The following GALNT15 variants were observed in gnomAD, a reference collection of about 807,000 sequenced individuals.
GALNT15 encodes the protein UDP-GalNAc transferase T15.
A neutral mutation model predicts 66.8 loss-of-function variants in GALNT15; 67 were observed. The ratio of observed to expected loss-of-function variants is 1.00; its 90% CI spans 0.82 to 1.23. The LOEUF (loss-of-function observed/expected upper bound fraction) is 1.23. Among genes scored for constraint, GALNT15 ranks in the 50% most tolerant of loss-of-function variants. The pLI, the probability that GALNT15 is intolerant of heterozygous loss-of-function variation, is 0.00. For missense variants in GALNT15, 827 were observed against 804.3 expected (o/e 1.03, Z -0.34); for synonymous variants, 313 against 311.5 (o/e 1.00, Z -0.05).
At position 16,209,553 on chromosome 3, in the gene GALNT15, C is replaced by T. The variant is rs7428257; in HGVS notation, c.1079+883C>T. On this transcript the variant is annotated intron_variant, in intron 4 of 9. Transcript: ENST00000339732. The surrounding 1 kb of genome is among the most constrained non-coding windows in gnomAD (Gnocchi z 4.1). ...AGGCAGCAGGCCAGATGCAGTGACTCATGCCTGTAATCCTAGCACTTTGGG... is the reference window on the plus strand; with the variant it reads ...AGGCAGCAGGCCAGATGCAGTGACTTATGCCTGTAATCCTAGCACTTTGGG... Among the ~76,000 whole-genome samples the T allele has an allele frequency of 6.6e-6, 1 of 152,222 alleles. No homozygotes were observed.
the GALNT15 span, among the ~76,000 whole-genome samples, chr3:16,247,127 TG>T: frequency 6.6e-6 from 1 of 152,016 alleles, no homozygotes; most frequent in Non-Finnish European, 1.5e-5. Context: ...TGTGTGTGTG[TG>T]TGTGTGTCTG....
chr3:16,236,793 C>A (rs1164991981), downstream of GALNT15, among the ~76,000 whole-genome samples: 1 of 152,218 alleles, frequency 6.6e-6, no homozygotes, highest in Non-Finnish European at 1.5e-5. Flanking sequence ...AGTCCACAGT[C>A]TTCTTTCTTT....
rs957106525 is a variant in GALNT15 at position 16,225,780 on chromosome 3, G to A, written c.1774-1574G>A. Among the ~76,000 whole-genome samples the A allele has an allele frequency of 4.6e-5, 7 of 150,778 alleles. No individual in the cohort carries two copies. The highest frequency in any genetic ancestry group is 7.4e-5 in the Non-Finnish European group (5 of 67,780). ...GATGTACCTTAAAAATATTACACACGGTGCCCAACACTTTGAGAGGCAGAG... is the reference window on the plus strand; with the variant it reads ...GATGTACCTTAAAAATATTACACACAGTGCCCAACACTTTGAGAGGCAGAG... On this transcript the variant is annotated intron_variant, in intron 9 of 9. Transcript: ENST00000339732. This position sits in a 1 kb window ranked among gnomAD's most constrained non-coding sequence, Gnocchi z 4.4.
chr3:16,227,458 G>A lies in GALNT15; in HGVS notation c.1878G>A (p.Gln626=). The change falls in exon 10 of 10, where the codon CAG becomes CAA. Residue 626 remains glutamine, a synonymous_variant. Coordinates refer to ENST00000339732, the MANE Select transcript of GALNT15 (RefSeq NM_054110.5). The surrounding 1 kb of genome is among the most constrained non-coding windows in gnomAD (Gnocchi z 4.5). ...GTCCGTGTGATGGAAAAGCCCGCCA[G>A]CAGTGGCGTTTTGACCAGATCAATG... ...YLRPCDGKAR[Q]QWRFDQINAV... 1 of 1,614,170 alleles carries A rather than the reference G, an allele frequency of 6.2e-7. No homozygotes were observed. The highest frequency in any genetic ancestry group is 1.1e-5 in the South Asian group (1 of 91,078).
At chr3:16,221,256 CTT>C (rs60472018) in intron 8 of GALNT15, among the ~76,000 whole-genome samples, 2 of 140,248 alleles carry the variant, frequency 1.4e-5, no homozygotes, top group Admixed American at 7.1e-5. Flanking sequence ...CTTTCTTGTT[CTT>C]TTTTTTTTTT....
In GALNT15 at chr3:16,211,850, T is replaced by C. The variant is rs1447346296; in HGVS notation, c.1197+609T>C. ...AATTACCTGACGCTTGTATTCTGCA[T>C]GAAGTCCAACAGATGTCACCGTGTT... On this transcript the variant is annotated intron_variant, in intron 5 of 9. Coordinates refer to ENST00000339732, the MANE Select transcript of GALNT15 (RefSeq NM_054110.5). This position sits in a 1 kb window ranked among gnomAD's most constrained non-coding sequence, Gnocchi z 4.3. Among the ~76,000 whole-genome samples the C allele has an allele frequency of 2.0e-5, 3 of 152,234 alleles. No homozygotes were observed. The highest frequency in any genetic ancestry group is 4.8e-5 in the African/African-American group (2 of 41,462).
Position 16,228,338 on chromosome 3 carries a change from T to C in GALNT15, c.*838T>C, listed in dbSNP as rs2064044842. On this transcript the variant is annotated 3_prime_UTR_variant, in exon 10 of 10. Coordinates refer to ENST00000339732, the MANE Select transcript of GALNT15 (RefSeq NM_054110.5). ...TTGAGCATTCCCATTAACAAAGGTG[T>C]TCACAGTTGAGAAACTCTCCTGCCG... The C allele has an allele frequency of 2.0e-6, 2 of 985,726 alleles. No individual in the cohort carries two copies. The highest frequency in any genetic ancestry group is 6.2e-5 in the Admixed American group (1 of 16,248). The allele number at this position is 985,726 out of a possible 1,614,324, so 61.1% of individuals were successfully genotyped here. A position where few individuals can be genotyped will look rare whatever the true frequency, so the allele number is the denominator to read the frequency against.
Position 16,225,884 on chromosome 3 carries a change from CT to C in GALNT15, c.1774-1469del, listed in dbSNP as rs1315592663. Reference sequence around the variant, plus strand: ...TTTTAGTAGAGAAAACCCATCTCTACTAAAAATACAAAAAATTAGCTGGGCA... The same window carrying C: ...TTTTAGTAGAGAAAACCCATCTCTACAAAAATACAAAAAATTAGCTGGGCA... On this transcript the variant is annotated intron_variant, in intron 9 of 9. Coordinates refer to ENST00000339732, the MANE Select transcript of GALNT15 (RefSeq NM_054110.5). This position sits in a 1 kb window ranked among gnomAD's most constrained non-coding sequence, Gnocchi z 4.4. 2.0e-5 allele frequency among the ~76,000 whole-genome samples: 3 copies of C among 151,558 alleles called. No individual in the cohort carries two copies. The East Asian group carries it at 5.8e-4, about 29-fold the overall frequency.
intron 1 of GALNT15, among the ~76,000 whole-genome samples, chr3:16,192,562 A>T (rs1358178956): frequency 1.3e-5 from 2 of 152,172 alleles, no homozygotes; most frequent in Admixed American, 1.3e-4. Context: ...ACCCAAATGC[A>T]TGGCCACAAA....
chr3:16,185,472 G>T (rs1430143392), intron 1 of GALNT15, among the ~76,000 whole-genome samples: 3 of 152,144 alleles, frequency 2.0e-5, no homozygotes, highest in African/African-American at 4.8e-5. Flanking sequence ...ATGGAGAGCA[G>T]GTTTCCTAAA....
At position 16,189,131 on chromosome 3, in the gene GALNT15, A is replaced by G. The variant is rs764801762; in HGVS notation, c.540-6629A>G. Among the ~76,000 whole-genome samples, 2 of 152,234 alleles carry G rather than the reference A, an allele frequency of 1.3e-5. No individual in the cohort carries two copies. Among genetic ancestry groups the G allele is most frequent in the Non-Finnish European group, 2.9e-5 (2 of 68,034 alleles). On this transcript the variant is annotated intron_variant, in intron 1 of 9. Coordinates refer to ENST00000339732, the MANE Select transcript of GALNT15 (RefSeq NM_054110.5). The surrounding 1 kb of genome is among the most constrained non-coding windows in gnomAD (Gnocchi z 5.1). ...CCAAAGCCACTGGATGAGCAAGAAG[A>G]TTGGAGAGCTTTGCTCCCGGTGGCA...
At chr3:16,215,916 A>AAACAAAAAAAAAAAAAAAAATAC (rs1019009823) in intron 6 of GALNT15, among the ~76,000 whole-genome samples, 1 of 143,454 alleles carries the variant, frequency 7.0e-6, no homozygotes, top group Admixed American at 7.2e-5. Flanking sequence ...CAAAAAAAAA[A>AAACAAAAAAAAAAAAAAAAATAC]AAAAAAAAAG....
rs2063398885 is a variant in GALNT15 at position 16,175,589 on chromosome 3, AGAG to A, written c.442_444del (p.Glu148del). On this transcript the variant is annotated inframe_deletion, in exon 1 of 10. Coordinates refer to ENST00000339732, the MANE Select transcript of GALNT15 (RefSeq NM_054110.5). This position sits in a 1 kb window ranked among gnomAD's most constrained non-coding sequence, Gnocchi z 5.6. ...ATGAGGACGGGGAGGTGTCTGAAGA[AGAG>A]GAGTTGACCCCGTTCAGCCTGGACC... The A allele has an allele frequency of 6.2e-7, 1 of 1,613,588 alleles. No individual in the cohort carries two copies. The highest frequency in any genetic ancestry group is 1.3e-5 in the African/African-American group (1 of 74,912).
At chr3:16,235,368 G>A (rs374372510), downstream of GALNT15, among the ~76,000 whole-genome samples, 22 of 152,028 alleles carry the variant, frequency 1.4e-4, no homozygotes, top group African/African-American at 4.4e-4. Context: ...AGGTTCCTCC[G>A]GCCTCACAAA....
At chr3:16,244,131 T>G in the GALNT15 span, 2 of 460,520 alleles carry the variant, frequency 4.3e-6, no homozygotes, top group Non-Finnish European at 5.7e-6. Context: ...TTCTATCTCC[T>G]AAAGCTCTTT....
At chr3:16,244,054 G>T in the GALNT15 span, 4 of 973,534 alleles carry the variant, frequency 4.1e-6, no homozygotes, top group African/African-American at 3.5e-5. Flanking sequence ...AGGCACCCAT[G>T]GTAACACAGC....
At chr3:16,240,074 G>A in the GALNT15 span, among the ~76,000 whole-genome samples, 1 of 152,186 alleles carries the variant, frequency 6.6e-6, no homozygotes, top group East Asian at 1.9e-4. Context: ...AGAAGGTAAT[G>A]GCATCTGGCC....
At chr3:16,232,356 A>G (rs2064089482), downstream of GALNT15, among the ~76,000 whole-genome samples, 1 of 151,200 alleles carries the variant, frequency 6.6e-6, no homozygotes, top group East Asian at 1.9e-4. Flanking sequence ...GCTTGAGCCC[A>G]GGAGTTTGAG....
chr3:16,245,634 GGA>G, the GALNT15 span, among the ~76,000 whole-genome samples: 1 of 152,208 alleles, frequency 6.6e-6, no homozygotes, highest in Non-Finnish European at 1.5e-5. Context: ...TAGAAGCAGG[GGA>G]GATTACTGGA....
Sources: allele counts gnomAD v4.1 joint callset (sites outside exome capture counted in the v4.1 genomes callset), GRCh38; gene constraint gnomAD v4.1.1; non-coding constraint Gnocchi (gnomAD v3.1); transcripts MANE v1.5; gene names NCBI Gene and HGNC (gene_info 2026-07-23, HGNC 2026-07-21).